The following FHIT variants were observed in gnomAD, a reference collection of about 807,000 sequenced individuals.
FHIT encodes the protein fragile histidine triad diadenosine triphosphatase, also known as bis(5'-adenosyl)-triphosphatase.
Under a neutral mutation model 17.9 loss-of-function variants are expected in FHIT, and 19 were observed. That is an observed-to-expected ratio of 1.06 (90% CI 0.74 to 1.56). FHIT has a LOEUF of 1.56. FHIT is among the 40% of genes most tolerant of loss of function. The pLI is 0.00. For missense variants in FHIT, 248 were observed against 189.2 expected (o/e 1.31, Z -1.82); for synonymous variants, 81 against 69.7 (o/e 1.16, Z -0.81).
chr3:60,373,638 G>C (rs1328176252), intron 5 of FHIT, among the ~76,000 whole-genome samples: 1 of 152,196 alleles, frequency 6.6e-6, no homozygotes, highest in Non-Finnish European at 1.5e-5. Context: ...CTTGGTGGTA[G>C]TAGGGAGACC....
intron 4 of FHIT, among the ~76,000 whole-genome samples, chr3:60,551,049 C>T (rs1176291844): frequency 6.6e-6 from 1 of 152,074 alleles, no homozygotes; most frequent in South Asian, 2.1e-4. Flanking sequence ...CTGTATGTGA[C>T]TATATGGGGA....
intron 5 of FHIT, among the ~76,000 whole-genome samples, chr3:60,325,203 A>G (rs1279514325): frequency 6.6e-6 from 1 of 152,202 alleles, no homozygotes; most frequent in African/African-American, 2.4e-5. Flanking sequence ...GCCATGCTAC[A>G]TATTTTTATA....
At chr3:61,227,955 G>A (rs1200731719) in intron 1 of FHIT, among the ~76,000 whole-genome samples, 1 of 152,066 alleles carries the variant, frequency 6.6e-6, no homozygotes, top group African/African-American at 2.4e-5. Flanking sequence ...ACTAATATGA[G>A]GAGAGGTTTT....
intron 5 of FHIT, among the ~76,000 whole-genome samples, chr3:60,032,342 C>T (rs184689738): frequency 3.3e-5 from 5 of 152,054 alleles, no homozygotes; most frequent in African/African-American, 1.2e-4. Flanking sequence ...GTCTCAGCTA[C>T]TCAGGAGACT....
intron 7 of FHIT, among the ~76,000 whole-genome samples, chr3:59,987,020 TAA>T (rs565675300): frequency 1.4e-3 from 166 of 121,368 alleles, no homozygotes; most frequent in African/African-American, 4.7e-3. Flanking sequence ...AATAAAAAAA[TAA>T]AAATATAAAA....
intron 5 of FHIT, among the ~76,000 whole-genome samples, chr3:60,018,165 G>T (rs1700416273): frequency 6.6e-6 from 1 of 152,288 alleles, no homozygotes. Flanking sequence ...AAAACAGTTT[G>T]CAGAGATCAT....
At chr3:59,874,937 C>CA (rs1020396650) in intron 8 of FHIT, among the ~76,000 whole-genome samples, 1 of 152,168 alleles carries the variant, frequency 6.6e-6, no homozygotes, top group Admixed American at 6.5e-5. Context: ...AAAGCAAAGC[C>CA]AAAGGGAAAA....
intron 4 of FHIT, among the ~76,000 whole-genome samples, chr3:60,636,569 A>C (rs1483854852): frequency 6.6e-6 from 1 of 152,158 alleles, no homozygotes; most frequent in Non-Finnish European, 1.5e-5. Flanking sequence ...CAAGATCAAG[A>C]GTGGCAAAAT....
chr3:60,990,549 G>A lies in FHIT; in HGVS notation c.-111+51498C>T, dbSNP rs555199818. ...GATTTGTGTCACATGCTATGCTCCA[G>A]GGCTGGACAGGAAACAGTGTCCCCA... On this transcript the variant is annotated intron_variant, in intron 3 of 9. Coordinates refer to ENST00000492590, the MANE Select transcript of FHIT (RefSeq NM_002012.4). 5.3e-5 allele frequency among the ~76,000 whole-genome samples: 8 copies of A among 152,262 alleles called. No individual in the cohort carries two copies. In the East Asian group the frequency reaches 1.2e-3, roughly 22 times the overall value.
intron 4 of FHIT, among the ~76,000 whole-genome samples, chr3:60,553,087 C>G (rs1341958921): frequency 6.6e-6 from 1 of 152,154 alleles, no homozygotes; most frequent in Non-Finnish European, 1.5e-5. Flanking sequence ...ACCTGAGACC[C>G]TGAACTGCAA....
At chr3:59,967,578 C>T (rs1707984593) in intron 7 of FHIT, among the ~76,000 whole-genome samples, 1 of 152,128 alleles carries the variant, frequency 6.6e-6, no homozygotes, top group African/African-American at 2.4e-5. Flanking sequence ...ACTACTATAA[C>T]CTTACAAGCT....
chr3:61,156,226 A>G (rs932202950), intron 2 of FHIT, among the ~76,000 whole-genome samples: 1 of 152,228 alleles, frequency 6.6e-6, no homozygotes, highest in Admixed American at 6.5e-5. Context: ...CATGGCTGCA[A>G]GTACAACTAT....
At chr3:61,048,134 T>C (rs1301364936) in intron 2 of FHIT, among the ~76,000 whole-genome samples, 1 of 151,962 alleles carries the variant, frequency 6.6e-6, no homozygotes, top group Non-Finnish European at 1.5e-5. Flanking sequence ...TGGGATCTAA[T>C]TAAACTCAAG....
intron 3 of FHIT, among the ~76,000 whole-genome samples, chr3:60,942,605 A>T (rs1425702529): frequency 6.6e-6 from 1 of 151,374 alleles, no homozygotes; most frequent in Non-Finnish European, 1.5e-5. Context: ...GTAGTTGATC[A>T]AGTTTGACAA....
At chr3:61,013,775 A>G (rs2031926271) in intron 3 of FHIT, among the ~76,000 whole-genome samples, 2 of 152,332 alleles carry the variant, frequency 1.3e-5, no homozygotes, top group Non-Finnish European at 2.9e-5. Context: ...ATTAAATTTC[A>G]TTTGAAAACA....
rs972899577 is a variant in FHIT, at chr3:59,872,443, T to C, written c.348+49903A>G. Reference sequence around the variant, plus strand: ...AAAACATGCCACGTGCTCATGTTTATGTGAGGAGTAGAAGACAACGGCTTT... The same window carrying C: ...AAAACATGCCACGTGCTCATGTTTACGTGAGGAGTAGAAGACAACGGCTTT... On this transcript the variant is annotated intron_variant, in intron 8 of 9. Transcript: ENST00000492590. Among the ~76,000 whole-genome samples, 5 of 152,166 alleles carry C rather than the reference T, an allele frequency of 3.3e-5. No homozygotes were observed. In the South Asian group the frequency reaches 1.0e-3, roughly 31 times the overall value.
chr3:60,047,785 A>G (rs954133645), intron 5 of FHIT, among the ~76,000 whole-genome samples: 2 of 152,202 alleles, frequency 1.3e-5, no homozygotes, highest in Admixed American at 1.3e-4. Context: ...TGCCATACTA[A>G]GAGTCCCAGA....
chr3:60,556,792 C>T (rs241672), intron 4 of FHIT, among the ~76,000 whole-genome samples: 92,202 of 152,202 alleles, frequency 0.61, 28,515 homozygotes, highest in African/African-American at 0.73. Context: ...TGCCTTTGTC[C>T]CCTGTAGCTG....
intron 7 of FHIT, among the ~76,000 whole-genome samples, chr3:59,934,779 A>G (rs1706148947): frequency 6.6e-6 from 1 of 152,120 alleles, no homozygotes; most frequent in African/African-American, 2.4e-5. Flanking sequence ...TTATAAAACT[A>G]TCAGATCTCA....
Sources: allele counts gnomAD v4.1 joint callset (sites outside exome capture counted in the v4.1 genomes callset), GRCh38; gene constraint gnomAD v4.1.1; transcripts MANE v1.5; gene names NCBI Gene and HGNC (gene_info 2026-07-23, HGNC 2026-07-21).